Variants in CSMD1 observed in about 807,000 individuals in gnomAD.
CSMD1 encodes the protein CUB and sushi domain-containing protein 1.
CSMD1 carries 213 observed loss-of-function variants against 417.5 expected under a neutral mutation model. The ratio of observed to expected loss-of-function variants is 0.51; its 90% CI spans 0.46 to 0.57. The LOEUF is 0.57. Ranked by LOEUF, CSMD1 falls within the 20% of genes least tolerant of loss-of-function variation. The probability of loss-of-function intolerance (pLI) is 0.00; values close to 1 mark genes in which losing one functional copy is unlikely to be tolerated. For synonymous variants in CSMD1, 2,862 were observed against 1,736.8 expected (o/e 1.65, Z -16.11); for missense variants, 6,923 against 4,529.7 (o/e 1.53, Z -15.17).
At chr8:3,987,256 G>C (rs1222338458) in intron 5 of CSMD1, among the ~76,000 whole-genome samples, 4 of 152,132 alleles carry the variant, frequency 2.6e-5, no homozygotes, top group South Asian at 2.1e-4. Flanking sequence ...ATGCTCAAAG[G>C]CTACACACAG....
In CSMD1 at chr8:4,683,401, C is replaced by A. The variant is rs537660392; in HGVS notation, c.86-45843G>T. On this transcript the variant is annotated intron_variant, in intron 1 of 69. Coordinates refer to ENST00000635120, the MANE Select transcript of CSMD1 (RefSeq NM_033225.6). ...CTTGCTCTCCTTTTCTGAGACCTGT[C>A]CTTACATTTACACACTCATTATATC... Among the ~76,000 whole-genome samples the A allele has an allele frequency of 3.9e-5, 6 of 152,208 alleles. No homozygotes were observed. The South Asian group carries it at 8.3e-4, about 21-fold the overall frequency.
At chr8:4,806,791 C>T (rs540248370) in intron 1 of CSMD1, among the ~76,000 whole-genome samples, 2 of 152,106 alleles carry the variant, frequency 1.3e-5, no homozygotes, top group African/African-American at 2.4e-5. Context: ...CCTGTGACAA[C>T]CTTAAATTCT....
chr8:4,410,431 T>A (rs1285748123), intron 3 of CSMD1, among the ~76,000 whole-genome samples: 2 of 152,166 alleles, frequency 1.3e-5, no homozygotes, highest in African/African-American at 4.8e-5. Flanking sequence ...CACTTTGCAT[T>A]TCTAGCGTCC....
At chr8:3,263,787 C>A (rs1563201165) in intron 26 of CSMD1, among the ~76,000 whole-genome samples, 2 of 152,250 alleles carry the variant, frequency 1.3e-5, no homozygotes, top group East Asian at 1.9e-4. Context: ...ATTGTGACTT[C>A]TCTGACACAA....
chr8:3,661,282 T>C (rs1450930428), intron 7 of CSMD1, among the ~76,000 whole-genome samples: 1 of 152,164 alleles, frequency 6.6e-6, no homozygotes, highest in Non-Finnish European at 1.5e-5. Flanking sequence ...CAACCATTTA[T>C]ACCCTGCTGA....
chr8:4,894,860 G>A (rs1384798752), intron 1 of CSMD1, among the ~76,000 whole-genome samples: 3 of 152,094 alleles, frequency 2.0e-5, no homozygotes, highest in Non-Finnish European at 4.4e-5. Context: ...GGTTCTCTGT[G>A]TGACTTTATA....
At chr8:4,317,828 T>C (rs904781823) in intron 3 of CSMD1, among the ~76,000 whole-genome samples, 8 of 152,186 alleles carry the variant, frequency 5.3e-5, no homozygotes, top group Non-Finnish European at 1.2e-4. Context: ...AGTAATTATT[T>C]GTTTAATGTA....
intron 6 of CSMD1, among the ~76,000 whole-genome samples, chr8:3,722,355 A>T (rs1802231012): frequency 6.6e-6 from 1 of 152,202 alleles, no homozygotes; most frequent in Admixed American, 6.6e-5. Context: ...CATAAAATCT[A>T]AGACGAAGTT....
At chr8:4,012,948 T>C (rs756358043) in intron 4 of CSMD1, among the ~76,000 whole-genome samples, 2 of 151,976 alleles carry the variant, frequency 1.3e-5, no homozygotes, top group Non-Finnish European at 2.9e-5. Flanking sequence ...TCCAAATGTG[T>C]CTGGCCATCT....
At chr8:4,142,511 T>A (rs1196701380) in intron 3 of CSMD1, among the ~76,000 whole-genome samples, 1 of 151,310 alleles carries the variant, frequency 6.6e-6, no homozygotes, top group Non-Finnish European at 1.5e-5. Context: ...AAAGGAGCTG[T>A]TCTAGATGAA....
intron 1 of CSMD1, among the ~76,000 whole-genome samples, chr8:4,913,914 G>C (rs938734819): frequency 2.0e-4 from 30 of 152,116 alleles, no homozygotes; most frequent in African/African-American, 6.0e-4. Flanking sequence ...TAATTAATGC[G>C]ATTACCAAAG....
chr8:3,890,449 C>A lies in CSMD1; in HGVS notation c.818+107454G>T, dbSNP rs181578864. Among the ~76,000 whole-genome samples the A allele has an allele frequency of 4.0e-5, 6 of 151,628 alleles. No individual in the cohort carries two copies. In the East Asian group the frequency reaches 1.2e-3, roughly 30 times the overall value. On this transcript the variant is annotated intron_variant, in intron 5 of 69. Coordinates refer to ENST00000635120, the MANE Select transcript of CSMD1 (RefSeq NM_033225.6). Reference sequence around the variant, plus strand: ...CAAGCTCGCAGTGTCTTGGAGGAGACTGAGGATTCCAGCTGAGTGAGGGAA... The same window carrying A: ...CAAGCTCGCAGTGTCTTGGAGGAGAATGAGGATTCCAGCTGAGTGAGGGAA...
At chr8:3,318,615 A>G (rs1805941346) in intron 23 of CSMD1, among the ~76,000 whole-genome samples, 1 of 152,216 alleles carries the variant, frequency 6.6e-6, no homozygotes, top group Non-Finnish European at 1.5e-5. Context: ...GTTTCAATGT[A>G]TAAGCATGGT....
chr8:4,563,851 G>C (rs1798461794), intron 2 of CSMD1, among the ~76,000 whole-genome samples: 1 of 152,122 alleles, frequency 6.6e-6, no homozygotes, highest in Non-Finnish European at 1.5e-5. Flanking sequence ...TAGGATATCT[G>C]CTGAGAAGAC....
At chr8:3,956,308 C>T (rs1811941167) in intron 5 of CSMD1, among the ~76,000 whole-genome samples, 1 of 152,106 alleles carries the variant, frequency 6.6e-6, no homozygotes, top group African/African-American at 2.4e-5. Flanking sequence ...GTTATTATCC[C>T]CATCTCAAGA....
intron 1 of CSMD1, chr8:4,787,795 T>C (rs920412151): frequency 6.4e-7 from 1 of 1,574,792 alleles, no homozygotes; most frequent in Non-Finnish European, 8.7e-7. Flanking sequence ...CCAGACTGAA[T>C]TGGATATCAT....
intron 3 of CSMD1, among the ~76,000 whole-genome samples, chr8:4,285,742 A>C (rs1413735035): frequency 6.6e-6 from 1 of 152,146 alleles, no homozygotes; most frequent in Non-Finnish European, 1.5e-5. Context: ...TCCTGTTAGG[A>C]ACTTCAGAGG....
intron 3 of CSMD1, among the ~76,000 whole-genome samples, chr8:4,319,771 C>T (rs528535560): frequency 1.3e-5 from 2 of 152,128 alleles, no homozygotes; most frequent in African/African-American, 2.4e-5. Context: ...AGTTGCCGGG[C>T]AAAATACCAG....
At chr8:4,321,494 C>G (rs969224185) in intron 3 of CSMD1, among the ~76,000 whole-genome samples, 5 of 152,150 alleles carry the variant, frequency 3.3e-5, no homozygotes, top group Non-Finnish European at 2.9e-5. Flanking sequence ...GTTAGACAAA[C>G]AAACCCACAG....
Sources: gnomAD v4.1 joint callset for allele counts (sites outside exome capture counted in the v4.1 genomes callset) on GRCh38, gnomAD v4.1.1 for gene constraint, MANE v1.5 for transcripts, NCBI Gene and HGNC (gene_info 2026-07-23, HGNC 2026-07-21) for gene names.